Variants in CAMKMT observed in about 807,000 individuals in gnomAD.
CAMKMT encodes the protein CaM KMT.
CAMKMT carries 53 observed loss-of-function variants against 48.0 expected under a neutral mutation model. The ratio of observed to expected loss-of-function variants is 1.10; its 90% CI spans 0.89 to 1.39. The LOEUF (loss-of-function observed/expected upper bound fraction) is 1.39. Among genes scored for constraint, CAMKMT ranks in the 40% most tolerant of loss-of-function variants. CAMKMT has a pLI of 0.00. For synonymous variants in CAMKMT, 165 were observed against 152.3 expected, an observed-to-expected ratio of 1.08 and a Z score of -0.61; for missense variants, 428 against 402.7, an observed-to-expected ratio of 1.06 and a Z score of -0.54.
chr2:44,664,451 A>G lies in CAMKMT; in HGVS notation c.377-39832A>G, dbSNP rs1433451689. 2.6e-5 allele frequency among the ~76,000 whole-genome samples: 4 copies of G among 152,218 alleles called. No homozygotes were observed. In the East Asian group the frequency reaches 7.7e-4, roughly 29 times the overall value. On this transcript the variant is annotated intron_variant, in intron 3 of 10. Coordinates refer to ENST00000378494, the MANE Select transcript of CAMKMT (RefSeq NM_024766.5). The stretch of plus-strand genomic sequence containing the variant: ...CCTCTTGGTGTCACCCACAGGAGCT[A>G]AGCTCAGTGCTGGGTATAGAATAGA...
intron 3 of CAMKMT, among the ~76,000 whole-genome samples, chr2:44,432,454 C>T (rs1397125859): frequency 6.6e-6 from 1 of 152,114 alleles, no homozygotes; most frequent in Non-Finnish European, 1.5e-5. Context: ...AAAGCAATGC[C>T]CCTGGGTCTC....
intron 3 of CAMKMT, among the ~76,000 whole-genome samples, chr2:44,592,418 T>C (rs1226598415): frequency 1.3e-5 from 2 of 152,150 alleles, no homozygotes; most frequent in Non-Finnish European, 2.9e-5. Context: ...ATAGAATCTA[T>C]AGTGATGCCA....
rs139339567 is a variant in CAMKMT, at chr2:44,447,380, A to T, written c.376+57075A>T. The stretch of plus-strand genomic sequence containing the variant: ...ATTTTGTATCATACCCCTCCTCCAA[A>T]TATTCATAACATTAGTGCCTACCGT... On this transcript the variant is annotated intron_variant, in intron 3 of 10. Coordinates refer to ENST00000378494, the MANE Select transcript of CAMKMT (RefSeq NM_024766.5). Among the ~76,000 whole-genome samples, 4 of 152,312 alleles carry T rather than the reference A, an allele frequency of 2.6e-5. No individual in the cohort carries two copies. The East Asian group carries it at 7.7e-4, about 29-fold the overall frequency.
intron 3 of CAMKMT, among the ~76,000 whole-genome samples, chr2:44,488,936 G>C (rs534505452): frequency 6.6e-6 from 1 of 151,286 alleles, no homozygotes; most frequent in Admixed American, 6.6e-5. Flanking sequence ...CACAGTCATA[G>C]CTCACTGCAG....
At chr2:44,386,961 C>T (rs1680835305) in intron 2 of CAMKMT, among the ~76,000 whole-genome samples, 4 of 152,030 alleles carry the variant, frequency 2.6e-5, no homozygotes. Context: ...GAGAAAGTTC[C>T]ATGTGCTGTT....
chr2:44,621,843 A>G (rs1022768349), intron 3 of CAMKMT, among the ~76,000 whole-genome samples: 2 of 152,210 alleles, frequency 1.3e-5, no homozygotes, highest in Non-Finnish European at 2.9e-5. Context: ...TTTTTAGGAC[A>G]AGAGTAAAAT....
At chr2:44,452,331 G>T (rs756152815) in intron 3 of CAMKMT, among the ~76,000 whole-genome samples, 1 of 151,902 alleles carries the variant, frequency 6.6e-6, no homozygotes, top group Non-Finnish European at 1.5e-5. Context: ...TAGGCATAGC[G>T]CCAGTTATCT....
At chr2:44,598,889 G>C (rs1286673971) in intron 3 of CAMKMT, among the ~76,000 whole-genome samples, 1 of 151,478 alleles carries the variant, frequency 6.6e-6, no homozygotes, top group Non-Finnish European at 1.5e-5. Context: ...ATATTTACAA[G>C]TTGCTAACTG....
intron 3 of CAMKMT, among the ~76,000 whole-genome samples, chr2:44,575,911 T>C (rs1019582733): frequency 4.6e-5 from 7 of 152,046 alleles, no homozygotes; most frequent in Non-Finnish European, 8.8e-5. Flanking sequence ...GACTCTAAGG[T>C]AGCCACTAGG....
chr2:44,414,658 T>C (rs1400870624), intron 3 of CAMKMT, among the ~76,000 whole-genome samples: 1 of 152,114 alleles, frequency 6.6e-6, no homozygotes, highest in Non-Finnish European at 1.5e-5. Context: ...AGACCAACCC[T>C]AATCCCCTGA....
intron 3 of CAMKMT, among the ~76,000 whole-genome samples, chr2:44,464,357 G>A (rs888198259): frequency 1.3e-5 from 2 of 152,168 alleles, no homozygotes; most frequent in African/African-American, 4.8e-5. Context: ...GTACCATCTG[G>A]CTGACCAATA....
intron 7 of CAMKMT, among the ~76,000 whole-genome samples, chr2:44,730,322 A>C (rs73924536): frequency 1.3e-5 from 2 of 152,204 alleles, no homozygotes; most frequent in South Asian, 4.2e-4. Context: ...ACCTTCCCCA[A>C]CTTGTCCAGT....
chr2:44,755,521 G>A (rs996548173), intron 9 of CAMKMT, among the ~76,000 whole-genome samples: 1 of 152,062 alleles, frequency 6.6e-6, no homozygotes, highest in Admixed American at 6.5e-5. Context: ...ATCTCACACT[G>A]TACAAATAGT....
At chr2:44,430,808 G>A (rs898836624) in intron 3 of CAMKMT, among the ~76,000 whole-genome samples, 2 of 152,076 alleles carry the variant, frequency 1.3e-5, no homozygotes, top group Non-Finnish European at 2.9e-5. Context: ...TCATTGGGTG[G>A]CAAATGTAGC....
intron 3 of CAMKMT, among the ~76,000 whole-genome samples, chr2:44,546,274 T>C: frequency 6.6e-6 from 1 of 151,814 alleles, no homozygotes; most frequent in Non-Finnish European, 1.5e-5. Flanking sequence ...TAAAATCTCC[T>C]TCTTAGCCCA....
At chr2:44,398,871 T>C (rs1682102302) in intron 3 of CAMKMT, among the ~76,000 whole-genome samples, 1 of 152,170 alleles carries the variant, frequency 6.6e-6, no homozygotes, top group African/African-American at 2.4e-5. Context: ...TATTTGATGA[T>C]TGAATGAATT....
chr2:44,422,311 A>G (rs368554208), intron 3 of CAMKMT, among the ~76,000 whole-genome samples: 2 of 152,218 alleles, frequency 1.3e-5, no homozygotes, highest in East Asian at 3.8e-4. Context: ...TCTTTTCTTT[A>G]TAAATTACCC....
rs576937074 is a variant in CAMKMT at position 44,522,204 on chromosome 2, A to G, written c.376+131899A>G. ...ATTTTTTTAGTAGAGATGGGGTTTC[A>G]CTGTATTAGCCGGGATGGTCTTGAT... On this transcript the variant is annotated intron_variant, in intron 3 of 10. Coordinates refer to ENST00000378494, the MANE Select transcript of CAMKMT (RefSeq NM_024766.5). Among the ~76,000 whole-genome samples the G allele has an allele frequency of 3.4e-3, 522 of 151,906 alleles. 3 individuals carry two copies. The highest frequency in any genetic ancestry group is 7.8e-3 in the Admixed American group (119 of 15,260).
intron 3 of CAMKMT, among the ~76,000 whole-genome samples, chr2:44,646,525 A>C (rs889365233): frequency 2.0e-5 from 3 of 152,146 alleles, no homozygotes; most frequent in African/African-American, 7.2e-5. Flanking sequence ...AGATTATTTC[A>C]AATCTTCACT....
Sources: allele counts gnomAD v4.1 joint callset (sites outside exome capture counted in the v4.1 genomes callset), GRCh38; gene constraint gnomAD v4.1.1; transcripts MANE v1.5; gene names NCBI Gene and HGNC (gene_info 2026-07-23, HGNC 2026-07-21).